Variants in ANKS1B observed in about 807,000 individuals in gnomAD.
ANKS1B encodes ankyrin repeat and sterile alpha motif domain containing 1B, also known as ankyrin repeat and sterile alpha motif domain-containing protein 1B.
ANKS1B carries 36 observed loss-of-function variants against 148.3 expected under a neutral mutation model. The observed-to-expected ratio is 0.24, with a 90% CI of 0.19 to 0.32. The LOEUF is 0.32. Among genes scored for constraint, ANKS1B ranks in the 10% least tolerant of loss-of-function variants. The pLI, the probability that ANKS1B is intolerant of heterozygous loss-of-function variation, is 1.00. For synonymous variants in ANKS1B, 542 were observed against 560.8 expected (o/e 0.97, Z 0.47); for missense variants, 1,157 against 1,542.6 (o/e 0.75, Z 4.19).
chr12:99,427,292 T>C (rs1188656900), intron 11 of ANKS1B, among the ~76,000 whole-genome samples: 3 of 152,216 alleles, frequency 2.0e-5, no homozygotes, highest in Admixed American at 1.3e-4. Context: ...CTCTGTCTTC[T>C]CTGGTTTCAT....
chr12:99,826,682 T>G (rs1032847275), intron 1 of ANKS1B, among the ~76,000 whole-genome samples: 1 of 152,186 alleles, frequency 6.6e-6, no homozygotes, highest in Non-Finnish European at 1.5e-5. Context: ...GTCTCTGACT[T>G]ACTTACATTA....
At chr12:99,333,854 G>GTTTTTTTTTGTTTTT (rs2088106359) in intron 12 of ANKS1B, among the ~76,000 whole-genome samples, 4 of 107,484 alleles carry the variant, frequency 3.7e-5, no homozygotes, top group Non-Finnish European at 7.5e-5. Context: ...CCAGTTCTCA[G>GTTTTTTTTTGTTTTT]TTTTTTTTTT....
intron 12 of ANKS1B, among the ~76,000 whole-genome samples, chr12:99,374,856 A>G: frequency 6.6e-6 from 1 of 152,276 alleles, no homozygotes; most frequent in East Asian, 1.9e-4. Flanking sequence ...TTTACCTAAG[A>G]TCCAGGAACT....
intron 17 of ANKS1B, among the ~76,000 whole-genome samples, chr12:98,900,358 C>T (rs754818836): frequency 6.6e-6 from 1 of 152,110 alleles, no homozygotes; most frequent in African/African-American, 2.4e-5. Flanking sequence ...ATTGTTAGAT[C>T]TTTGAATTTG....
At chr12:99,277,700 G>C (rs1663678210) in intron 12 of ANKS1B, among the ~76,000 whole-genome samples, 2 of 152,188 alleles carry the variant, frequency 1.3e-5, no homozygotes, top group South Asian at 4.1e-4. Context: ...TCTGGTTCAA[G>C]ATAGTATGTG....
chr12:98,807,796 G>C (rs371183775), intron 20 of ANKS1B, 48 bp downstream of exon 20: 1 of 1,543,468 alleles, frequency 6.5e-7, no homozygotes, highest in African/African-American at 1.4e-5. Context: ...GTGCAACACA[G>C]TACATAGCGC....
At chr12:98,765,497 C>A (rs1247711158) in intron 25 of ANKS1B, among the ~76,000 whole-genome samples, 1 of 151,456 alleles carries the variant, frequency 6.6e-6, no homozygotes, top group Non-Finnish European at 1.5e-5. Flanking sequence ...CTCCTGAGCT[C>A]AGGAGATCCA....
Position 99,848,296 on chromosome 12 carries a change from TG to T in ANKS1B, c.135-22908del, listed in dbSNP as rs1468264708. 2.6e-5 allele frequency among the ~76,000 whole-genome samples: 4 copies of T among 151,994 alleles called. No homozygotes were observed. The East Asian group carries it at 7.7e-4, about 29-fold the overall frequency. ...CCCTCCTCCCTGCAAAGTGGAAGAA[TG>T]GGGGCCAGGGACAGAGGGAACAGGA... On this transcript the variant is annotated intron_variant, in intron 1 of 26. Transcript: ENST00000683438.
At chr12:98,940,052 G>T (rs1567900543) in intron 17 of ANKS1B, among the ~76,000 whole-genome samples, 1 of 152,204 alleles carries the variant, frequency 6.6e-6, no homozygotes, top group Non-Finnish European at 1.5e-5. Flanking sequence ...GGTGGCCACA[G>T]CCAGTGATAA....
chr12:98,742,570 C>CAGAA, downstream of ANKS1B, among the ~76,000 whole-genome samples: 1 of 152,358 alleles, frequency 6.6e-6, no homozygotes, highest in East Asian at 1.9e-4. Context: ...GAGCGGAAGA[C>CAGAA]AGAAACAGTT....
intron 14 of ANKS1B, among the ~76,000 whole-genome samples, chr12:99,178,258 A>G (rs2078646842): frequency 6.6e-6 from 1 of 152,224 alleles, no homozygotes; most frequent in African/African-American, 2.4e-5. Context: ...AATCATGATT[A>G]TCCATACCCA....
At chr12:98,793,587 G>C (rs1433623579) in intron 22 of ANKS1B, among the ~76,000 whole-genome samples, 2 of 152,168 alleles carry the variant, frequency 1.3e-5, no homozygotes, top group Non-Finnish European at 2.9e-5. Flanking sequence ...CTATACATCT[G>C]ACAAGGATTA....
chr12:99,062,142 T>C (rs962946373), intron 16 of ANKS1B, among the ~76,000 whole-genome samples: 3 of 152,176 alleles, frequency 2.0e-5, no homozygotes, highest in East Asian at 3.9e-4. Context: ...CAGGTAAGAG[T>C]GTTGGCAACT....
At chr12:99,227,922 A>T (rs1303979438) in intron 14 of ANKS1B, among the ~76,000 whole-genome samples, 1 of 151,870 alleles carries the variant, frequency 6.6e-6, no homozygotes. Context: ...TAATATATTT[A>T]ATATATTTAA....
intron 12 of ANKS1B, among the ~76,000 whole-genome samples, chr12:99,316,714 T>G (rs1158687121): frequency 6.6e-6 from 1 of 152,204 alleles, no homozygotes; most frequent in East Asian, 1.9e-4. Flanking sequence ...TTGCCATTGC[T>G]TTTGGTGTTT....
In ANKS1B at chr12:98,948,947, C is replaced by CTTTTTTTTTTTTTTTTTTTTTT. The variant is rs869145338; in HGVS notation, c.2778+104188_2778+104209dup. Among the ~76,000 whole-genome samples the CTTTTTTTTTTTTTTTTTTTTTT allele has an allele frequency of 3.8e-4, 32 of 84,862 alleles. 6 individuals are homozygous for CTTTTTTTTTTTTTTTTTTTTTT. The highest frequency in any genetic ancestry group is 1.2e-3 in the East Asian group (3 of 2,564). 55.7% of individuals were successfully genotyped at this position (84,862 alleles called of 152,430 possible). A position where few individuals can be genotyped will look rare whatever the true frequency, so the allele number is the denominator to read the frequency against. ...AGGGGTGAGATATGAGCATGAGCTA[C>CTTTTTTTTTTTTTTTTTTTTTT]TTTTTTTTTTTTTTTTTTTTTTTGA... On this transcript the variant is annotated intron_variant, in intron 17 of 26. Transcript: ENST00000683438.
At chr12:98,913,857 T>C (rs1596780630) in intron 17 of ANKS1B, among the ~76,000 whole-genome samples, 1 of 152,170 alleles carries the variant, frequency 6.6e-6, no homozygotes, top group Non-Finnish European at 1.5e-5. Flanking sequence ...TCTTGAACTC[T>C]TGACCTCAGG....
At chr12:99,435,376 G>C (rs1258441733) in intron 11 of ANKS1B, among the ~76,000 whole-genome samples, 1 of 152,054 alleles carries the variant, frequency 6.6e-6, no homozygotes, top group African/African-American at 2.4e-5. Context: ...TTCTTAAGTA[G>C]GTTCCAATGA....
intron 17 of ANKS1B, among the ~76,000 whole-genome samples, chr12:99,020,999 C>G (rs1308136369): frequency 1.3e-5 from 2 of 152,098 alleles, no homozygotes; most frequent in Non-Finnish European, 2.9e-5. Context: ...GAGACATGAG[C>G]TCAAATCTAA....
Sources: gnomAD v4.1 joint callset for allele counts (sites outside exome capture counted in the v4.1 genomes callset) on GRCh38, gnomAD v4.1.1 for gene constraint, MANE v1.5 for transcripts, NCBI Gene and HGNC (gene_info 2026-07-23, HGNC 2026-07-21) for gene names.